CLIP1: variants seen among roughly 807,000 people sequenced by gnomAD.
CLIP1 encodes the protein CAP-Gly domain containing linker protein 1.
In CLIP1, 66 loss-of-function variants were observed where a neutral mutation model predicts 161.6. The ratio of observed to expected loss-of-function variants is 0.41; its 90% CI spans 0.33 to 0.50. The LOEUF (loss-of-function observed/expected upper bound fraction) is 0.50, where lower values mean the gene tolerates loss of function less well. CLIP1 is among the 20% of genes least tolerant of loss of function. CLIP1 has a pLI of 0.27. For missense variants in CLIP1, 1,376 were observed against 1,702.0 expected (o/e 0.81, Z 3.37); for synonymous variants, 598 against 626.2 (o/e 0.96, Z 0.67).
intron 1 of CLIP1, among the ~76,000 whole-genome samples, chr12:122,387,989 G>C (rs1192804121): frequency 6.6e-6 from 1 of 152,078 alleles, no homozygotes; most frequent in Non-Finnish European, 1.5e-5. Flanking sequence ...AAGCTCTTTA[G>C]AGATCTCATT....
intron 21 of CLIP1, among the ~76,000 whole-genome samples, chr12:122,286,002 TGGCTGGGCTG>T (rs1339495869): frequency 2.0e-5 from 3 of 152,130 alleles, no homozygotes; most frequent in Non-Finnish European, 4.4e-5. Flanking sequence ...GGAGAACATC[TGGCTGGGCTG>T]GGAATCATTG....
At chr12:122,335,806 C>CAA (rs529751924) in intron 12 of CLIP1, among the ~76,000 whole-genome samples, 9 of 127,194 alleles carry the variant, frequency 7.1e-5, no homozygotes, top group Non-Finnish European at 1.4e-4. Flanking sequence ...GACTCTGTCT[C>CAA]AAAAAAAAAA....
intron 20 of CLIP1, among the ~76,000 whole-genome samples, chr12:122,307,929 G>A (rs138778718): frequency 2.1e-3 from 316 of 152,292 alleles, no homozygotes; most frequent in African/African-American, 6.9e-3. Flanking sequence ...ACTACCAGTG[G>A]CTTAAGAATC....
In CLIP1 at chr12:122,355,122, T is replaced by C. The variant is rs1287253263; in HGVS notation, c.1196A>G (p.His399Arg). The C allele has an allele frequency of 2.8e-5, 45 of 1,613,990 alleles. No individual in the cohort carries two copies. Among genetic ancestry groups the C allele is most frequent in the Non-Finnish European group, 3.8e-5 (45 of 1,179,958 alleles). ...EQELALARDG[H>R]DQHVLELEAK... ...ACAAGGTCCAGACTTCACCTGGTCA[T>C]GTCCGTCCCGGGCCAGAGCTAGCTC... The change falls in exon 6 of 26, where the codon CAT becomes CGT. Residue 399 changes from histidine to arginine, a missense_variant. This residue lies in a region of CLIP1 where 211 missense variants were observed against 295.1 expected (regional missense o/e 0.72). Coordinates refer to ENST00000620786, the MANE Select transcript of CLIP1 (RefSeq NM_001247997.2). This position sits in a 1 kb window ranked among gnomAD's most constrained non-coding sequence, Gnocchi z 4.1.
intron 20 of CLIP1, among the ~76,000 whole-genome samples, chr12:122,289,607 A>G (rs768054224): frequency 6.6e-6 from 1 of 152,142 alleles, no homozygotes; most frequent in African/African-American, 2.4e-5. Context: ...AGTATATTCA[A>G]GCATTATTCA....
At chr12:122,336,591 G>A in intron 12 of CLIP1, 41 bp downstream of exon 12, 1 of 1,013,252 alleles carries the variant, frequency 9.9e-7, no homozygotes, top group Admixed American at 1.9e-5. Flanking sequence ...AACAGGAAAT[G>A]GCCAGAAACC....
intron 1 of CLIP1, among the ~76,000 whole-genome samples, chr12:122,382,655 G>A (rs577600456): frequency 1.4e-4 from 22 of 152,098 alleles, no homozygotes; most frequent in African/African-American, 4.1e-4. Context: ...GCAGTGAGCC[G>A]AGATCGTGCA....
intron 20 of CLIP1, among the ~76,000 whole-genome samples, chr12:122,308,792 T>A (rs1219988757): frequency 6.6e-6 from 1 of 152,178 alleles, no homozygotes; most frequent in Non-Finnish European, 1.5e-5. Flanking sequence ...AGATGTGGCA[T>A]TTCTTCCACA....
At chr12:122,401,541 G>T (rs113841747) in intron 1 of CLIP1, among the ~76,000 whole-genome samples, 30,885 of 152,094 alleles carry the variant, frequency 0.2, 3,524 homozygotes, top group Admixed American at 0.26. Flanking sequence ...GGTGGCACAT[G>T]CCTGTAATCC....
intron 1 of CLIP1, among the ~76,000 whole-genome samples, chr12:122,387,583 TATA>T (rs1566209621): frequency 2.4e-3 from 11 of 4,660 alleles, no homozygotes; most frequent in South Asian, 8.8e-3. Flanking sequence ...TATATATATA[TATA>T]TATATTTTTT....
chr12:122,358,609 TCA>T (rs1358168906), intron 5 of CLIP1, among the ~76,000 whole-genome samples: 2 of 152,194 alleles, frequency 1.3e-5, no homozygotes, highest in African/African-American at 4.8e-5. Flanking sequence ...CAGTTGAGCC[TCA>T]GTTTTCTCAT....
chr12:122,377,091 C>T lies in CLIP1; in HGVS notation c.657+298G>A, dbSNP rs188692743. Among the ~76,000 whole-genome samples, 10 of 151,376 alleles carry T rather than the reference C, an allele frequency of 6.6e-5. No individual in the cohort carries two copies. The South Asian group carries it at 2.1e-3, about 32-fold the overall frequency. On this transcript the variant is annotated intron_variant, in intron 3 of 25. Coordinates refer to ENST00000620786, the MANE Select transcript of CLIP1 (RefSeq NM_001247997.2). The stretch of plus-strand genomic sequence containing the variant: ...GTGGCGCAATCTCGGCTCACTGCAA[C>T]CTCCACCTCCCAGGTTCAGGCAATT...
intron 1 of CLIP1, among the ~76,000 whole-genome samples, chr12:122,409,215 AC>A (rs1389423907): frequency 2.7e-5 from 4 of 150,402 alleles, no homozygotes; most frequent in Non-Finnish European, 5.9e-5. Flanking sequence ...AACCACTGCC[AC>A]CCAGGTTCAA....
At chr12:122,300,799 A>G (rs1021110524) in intron 20 of CLIP1, among the ~76,000 whole-genome samples, 4 of 152,128 alleles carry the variant, frequency 2.6e-5, no homozygotes, top group Non-Finnish European at 5.9e-5. Flanking sequence ...CATTCTCTCT[A>G]TATTTTTTTC....
chr12:122,279,242 G>T lies in CLIP1; in HGVS notation c.3648-97C>A. ...AAACACATAATTAATGTTAGTTAAT[G>T]TAAAAAAAAAAATATAACAGGGAAG... On this transcript the variant is annotated intron_variant, in intron 21 of 25. Coordinates refer to ENST00000620786, the MANE Select transcript of CLIP1 (RefSeq NM_001247997.2). The surrounding 1 kb of genome is among the most constrained non-coding windows in gnomAD (Gnocchi z 4.5). 5.4e-6 allele frequency: 4 copies of T among 745,476 alleles called. No homozygotes were observed. The highest frequency in any genetic ancestry group is 8.3e-6 in the Non-Finnish European group (4 of 482,658). 46.2% of individuals were successfully genotyped at this position (745,476 alleles called of 1,614,324 possible).
In CLIP1 at chr12:122,355,302, G is replaced by C; in HGVS notation, c.1016C>G (p.Thr339Ser). The C allele has an allele frequency of 6.2e-7, 1 of 1,613,808 alleles. No individual in the cohort carries two copies. The highest frequency in any genetic ancestry group is 8.5e-7 in the Non-Finnish European group (1 of 1,179,788). ...RPSRTGLLTETSSRYARKISG... is the reference protein window; with the variant it reads ...RPSRTGLLTESSSRYARKISG... The stretch of plus-strand genomic sequence containing the variant: ...GATCTTCCTGGCGTAACGGGAGGAG[G>C]TTTCAGTCAACTGTAAAGGAAAGTT... Residue 339 changes from threonine to serine, a missense_variant, in exon 6 of 26, where the codon ACC (threonine) becomes AGC (serine). This residue lies in a region of CLIP1 where 211 missense variants were observed against 295.1 expected (regional missense o/e 0.72). Transcript: ENST00000620786. This position sits in a 1 kb window ranked among gnomAD's most constrained non-coding sequence, Gnocchi z 4.1.
intron 1 of CLIP1, among the ~76,000 whole-genome samples, chr12:122,394,397 G>A (rs1057501920): frequency 1.4e-5 from 2 of 145,580 alleles, no homozygotes; most frequent in African/African-American, 2.5e-5. Flanking sequence ...GCTCAGGCAC[G>A]AGAATCGTTT....
chr12:122,336,616 C>T lies in CLIP1; in HGVS notation c.2568+16G>A. 1 of 1,298,326 alleles carries T rather than the reference C, an allele frequency of 7.7e-7. No homozygotes were observed. The allele number at this position is 1,298,326 out of a possible 1,614,324, so 80.4% of individuals were successfully genotyped here. A position where few individuals can be genotyped will look rare whatever the true frequency, so the allele number is the denominator to read the frequency against. On this transcript the variant is annotated intron_variant, in intron 12 of 25. Transcript: ENST00000620786. ...GGCCAGAAACCCTGAGATTCAGATT[C>T]CCAACAGGTACTTACCAAAATCTGA...
chr12:122,377,650 A>G lies in CLIP1; in HGVS notation c.396T>C (p.Asp132=), dbSNP rs1954811354. The G allele has an allele frequency of 6.2e-7, 1 of 1,613,588 alleles. No individual in the cohort carries two copies. Among genetic ancestry groups the G allele is most frequent in the African/African-American group, 1.3e-5 (1 of 74,804 alleles). ...SKLTRKVQAE[D]EANGLQTTPA... ...GCGTTGTCTGCAGGCCATTAGCTTC[A>G]TCTTCTGCTTGCACCTTCCTTGTTA... is the stretch of plus-strand genomic sequence containing the variant. The change falls in exon 3 of 26, where the codon GAT becomes GAC. Residue 132 remains aspartate (D), a synonymous_variant. Coordinates refer to ENST00000620786, the MANE Select transcript of CLIP1 (RefSeq NM_001247997.2).
Sources: gnomAD v4.1 joint callset for allele counts (sites outside exome capture counted in the v4.1 genomes callset) on GRCh38, gnomAD v4.1.1 for gene constraint, gnomAD v4.1.1 regional missense constraint, Gnocchi (gnomAD v3.1) non-coding constraint, MANE v1.5 for transcripts, NCBI Gene and HGNC (gene_info 2026-07-23, HGNC 2026-07-21) for gene names.